HYDIN: variants seen among roughly 807,000 people sequenced by gnomAD.
HYDIN encodes HYDIN axonemal central pair apparatus protein.
In HYDIN, 132 loss-of-function variants were observed where a neutral mutation model predicts 403.9. The observed-to-expected ratio is 0.33, with a 90% CI of 0.28 to 0.38. HYDIN has a LOEUF of 0.38. Among genes scored for constraint, HYDIN ranks in the 10% least tolerant of loss-of-function variants. The pLI, the probability that HYDIN is intolerant of heterozygous loss-of-function variation, is 1.00. For missense variants in HYDIN, 2,827 were observed against 5,009.5 expected (o/e 0.56, Z 13.15); for synonymous variants, 1,202 against 1,891.7 (o/e 0.64, Z 9.46).
intron 10 of HYDIN, among the ~76,000 whole-genome samples, chr16:71,094,137 T>G (rs936092849): frequency 2.0e-5 from 3 of 152,214 alleles, no homozygotes; most frequent in Admixed American, 1.3e-4. Flanking sequence ...AAATCCTGAC[T>G]GGCGAAATTG....
chr16:71,169,729 G>A (rs2144624367), intron 5 of HYDIN, among the ~76,000 whole-genome samples: 1 of 152,166 alleles, frequency 6.6e-6, no homozygotes, highest in Non-Finnish European at 1.5e-5. Context: ...GAGAAGTTCA[G>A]GAGACCTATT....
rs7192347 is a variant in HYDIN, at chr16:70,862,219, A to G, written c.11606T>C (p.Met3869Thr). 1 of 1,613,600 alleles carries G rather than the reference A, an allele frequency of 6.2e-7. No homozygotes were observed. ...GCTGTCCAGGGTGCTGCCTGTATGC[A>G]TCGTGCCCTGACTAAGCTGATCTTT... ...AQKDQLSQGT[M>T]HTGSTLDSTM... Residue 3869 changes from methionine to threonine, a missense_variant, in exon 69 of 86, where the codon ATG (methionine) becomes ACG (threonine). By Grantham distance (81) the Met-to-Thr change is moderately conservative (BLOSUM62 -1). Transcript: ENST00000393567.
chr16:70,982,128 CAA>C (rs777603836), intron 28 of HYDIN, among the ~76,000 whole-genome samples: 6 of 66,228 alleles, frequency 9.1e-5, no homozygotes, highest in Admixed American at 1.8e-4. Context: ...ACTCCGTCTC[CAA>C]AAAAAAAAAA....
At chr16:70,854,347 G>A (rs1228167499) in intron 73 of HYDIN, among the ~76,000 whole-genome samples, 1 of 148,770 alleles carries the variant, frequency 6.7e-6, no homozygotes, top group East Asian at 2.0e-4. Flanking sequence ...TGATTCTCAT[G>A]CCTCAGCCTC....
chr16:71,197,677 G>A (rs573751273), intron 1 of HYDIN, among the ~76,000 whole-genome samples: 26 of 152,110 alleles, frequency 1.7e-4, no homozygotes, highest in Non-Finnish European at 3.1e-4. Context: ...ACCCGTAGAC[G>A]CTCTCTCCCC....
chr16:71,052,304 T>C (rs2081682773), intron 18 of HYDIN, among the ~76,000 whole-genome samples: 1 of 151,522 alleles, frequency 6.6e-6, no homozygotes, highest in Non-Finnish European at 1.5e-5. Context: ...GATAGATAAA[T>C]GGGATATAAC....
chr16:71,072,017 A>G (rs2082483160), intron 13 of HYDIN, among the ~76,000 whole-genome samples: 1 of 151,548 alleles, frequency 6.6e-6, no homozygotes, highest in Admixed American at 6.6e-5. Flanking sequence ...ATGGGAATCA[A>G]TAAGCACATA....
intron 28 of HYDIN, among the ~76,000 whole-genome samples, chr16:70,981,952 C>T (rs1477319025): frequency 6.6e-6 from 1 of 151,828 alleles, no homozygotes; most frequent in Non-Finnish European, 1.5e-5. Context: ...CACGGTAAAA[C>T]CCCGTCTCTG....
rs1363918025 is a variant in HYDIN, at chr16:70,806,992, G to A, written c.*588C>T. 1.3e-5 allele frequency among the ~76,000 whole-genome samples: 2 copies of A among 152,150 alleles called. No individual in the cohort carries two copies. Among genetic ancestry groups the A allele is most frequent in the Non-Finnish European group, 2.9e-5 (2 of 68,028 alleles). On this transcript the variant is annotated 3_prime_UTR_variant, in exon 86 of 86. Transcript: ENST00000393567. ...TTCTCCAGGGCCTAGACTTCAGTGA[G>A]AACTTTCTGTGTAGGGCAGATGTGG...
In HYDIN at chr16:70,863,122, G is replaced by A. The variant is rs780964233; in HGVS notation, c.11532C>T (p.Thr3844=). 5 of 1,614,010 alleles carry A rather than the reference G, an allele frequency of 3.1e-6. No individual in the cohort carries two copies. In the East Asian group the frequency reaches 1.1e-4, roughly 36 times the overall value. The change falls in exon 68 of 86, where the codon ACC becomes ACT. Residue 3844 remains threonine (T), a synonymous_variant. Coordinates refer to ENST00000393567, the MANE Select transcript of HYDIN (RefSeq NM_001270974.2). The stretch of plus-strand genomic sequence containing the variant: ...GTTTTGCAAAGCTGACTGCCTTTGA[G>A]GTATCTTCTGAGACCCAGCTGAATT... The part of the protein sequence containing the change: ...QLEFSWVSED[T]SKAVSFAKPD...
chr16:71,012,046 C>T (rs113357913), intron 23 of HYDIN, among the ~76,000 whole-genome samples: 1,389 of 143,956 alleles, frequency 9.6e-3, no homozygotes, highest in African/African-American at 0.04. Context: ...AGCTTCCCCG[C>T]TCTGAGACTG....
At chr16:71,139,603 G>GA (rs998430345) in intron 7 of HYDIN, among the ~76,000 whole-genome samples, 2 of 151,476 alleles carry the variant, frequency 1.3e-5, no homozygotes, top group Non-Finnish European at 2.9e-5. Flanking sequence ...GTCTAAATTA[G>GA]AAAAAATTCA....
chr16:71,152,186 G>T (rs1181862614), intron 7 of HYDIN, among the ~76,000 whole-genome samples: 2 of 150,602 alleles, frequency 1.3e-5, no homozygotes, highest in Admixed American at 6.6e-5. Context: ...GGGGACACCA[G>T]TTAGGGGGAT....
At chr16:70,830,085 T>C (rs2036872527) in intron 80 of HYDIN, among the ~76,000 whole-genome samples, 1 of 152,098 alleles carries the variant, frequency 6.6e-6, no homozygotes, top group Non-Finnish European at 1.5e-5. Flanking sequence ...TGAGCTGAGA[T>C]TCTACTAGAG....
chr16:71,102,457 C>A (rs2083485534), intron 10 of HYDIN, among the ~76,000 whole-genome samples: 1 of 151,956 alleles, frequency 6.6e-6, no homozygotes, highest in Non-Finnish European at 1.5e-5. Flanking sequence ...AACCCCAAAG[C>A]TCATTATCAG....
intron 7 of HYDIN, among the ~76,000 whole-genome samples, chr16:71,139,954 G>A (rs1401248259): frequency 6.6e-6 from 1 of 152,040 alleles, no homozygotes; most frequent in Non-Finnish European, 1.5e-5. Context: ...CAGTGAAACT[G>A]AAGAAAACCA....
intron 1 of HYDIN, among the ~76,000 whole-genome samples, chr16:71,211,758 A>G (rs920309898): frequency 3.3e-5 from 5 of 152,206 alleles, no homozygotes; most frequent in African/African-American, 1.2e-4. Context: ...AGTAAGAAAT[A>G]AACAAAAACA....
At chr16:70,833,135 G>C (rs545664744) in intron 79 of HYDIN, 68 bp from the exon 80 acceptor site, 1 of 1,392,244 alleles carries the variant, frequency 7.2e-7, no homozygotes, top group East Asian at 2.5e-5. Context: ...CAATGCTACT[G>C]AGAACAAGAG....
intron 1 of HYDIN, among the ~76,000 whole-genome samples, chr16:71,191,101 T>C (rs1415743820): frequency 1.3e-5 from 2 of 152,292 alleles, no homozygotes; most frequent in East Asian, 1.9e-4. Context: ...AAAAACTGAA[T>C]AATGGATGAT....
Sources: gnomAD v4.1 joint callset for allele counts (sites outside exome capture counted in the v4.1 genomes callset) on GRCh38, gnomAD v4.1.1 for gene constraint, MANE v1.5 for transcripts, NCBI Gene and HGNC (gene_info 2026-07-23, HGNC 2026-07-21) for gene names.